Variants in KIAA1671 observed in about 807,000 individuals in gnomAD.
KIAA1671 encodes KIAA1671, also known as uncharacterized protein KIAA1671.
In KIAA1671, 52 loss-of-function variants were observed where a neutral mutation model predicts 131.2. The ratio of observed to expected loss-of-function variants is 0.40; its 90% CI spans 0.32 to 0.50. The LOEUF is 0.50. Among genes scored for constraint, KIAA1671 ranks in the 20% least tolerant of loss-of-function variants. The pLI, the probability that KIAA1671 is intolerant of heterozygous loss-of-function variation, is 0.73. For synonymous variants in KIAA1671, 1,003 were observed against 961.6 expected, an observed-to-expected ratio of 1.04 and a Z score of -0.80; for missense variants, 2,360 against 2,364.2, an observed-to-expected ratio of 1.00 and a Z score of 0.04.
intron 6 of KIAA1671, among the ~76,000 whole-genome samples, chr22:25,126,324 A>G (rs1932185771): frequency 6.6e-6 from 1 of 152,190 alleles, no homozygotes; most frequent in Non-Finnish European, 1.5e-5. Context: ...ATTCGTAGCT[A>G]GGAGCCTGTT....
At chr22:24,960,300 C>CA (rs1211927294) in intron 1 of KIAA1671, among the ~76,000 whole-genome samples, 1 of 151,610 alleles carries the variant, frequency 6.6e-6, no homozygotes, top group Non-Finnish European at 1.5e-5. Context: ...CCTGTAATCC[C>CA]AGCACTTTAG....
chr22:25,177,283 G>C (rs928388322), intron 8 of KIAA1671, 65 bp from the exon 9 acceptor site: 3 of 1,448,396 alleles, frequency 2.1e-6, no homozygotes, highest in Non-Finnish European at 2.8e-6. Flanking sequence ...CGCCAACTGT[G>C]TTGTGGTACC....
At chr22:24,998,717 CAAAAAA>C (rs34109303) in intron 1 of KIAA1671, among the ~76,000 whole-genome samples, 5 of 76,166 alleles carry the variant, frequency 6.6e-5, no homozygotes, top group Middle Eastern at 7.8e-3. Context: ...GACTCTGTCT[CAAAAAA>C]AAAAAAAAAA....
intron 6 of KIAA1671, among the ~76,000 whole-genome samples, chr22:25,153,569 A>G (rs981828045): frequency 6.6e-6 from 1 of 152,210 alleles, no homozygotes; most frequent in African/African-American, 2.4e-5. Flanking sequence ...CCTGGGTTTG[A>G]GATTGGGGCT....
chr22:24,981,679 C>T (rs1923241854), intron 1 of KIAA1671, among the ~76,000 whole-genome samples: 1 of 152,110 alleles, frequency 6.6e-6, no homozygotes, highest in Non-Finnish European at 1.5e-5. Context: ...GAGGCCAAGG[C>T]GGGAAGATTG....
intron 1 of KIAA1671, among the ~76,000 whole-genome samples, chr22:24,985,078 G>A (rs11090362): frequency 0.12 from 18,556 of 151,800 alleles, 1,419 homozygotes; most frequent in East Asian, 0.43. Context: ...CTGTCTCTCT[G>A]ATTTTTTGGA....
At position 25,039,239 on chromosome 22, in the gene KIAA1671, C is replaced by A; in HGVS notation, c.2109C>A (p.Asp703Glu). 1 of 1,552,314 alleles carries A rather than the reference C, an allele frequency of 6.4e-7. No individual in the cohort carries two copies. Reference protein sequence around the residue: ...ELRPYHTPLRDKYPLSENHNN... With the variant: ...ELRPYHTPLREKYPLSENHNN... ...GACCGTATCACACGCCTCTCCGGGA[C>A]AAATACCCTTTGTCTGAAAACCACA... Residue 703 changes from aspartate (D) to glutamate (E), a missense_variant, in exon 5 of 13, where the codon GAC (aspartate) becomes GAA (glutamate). Transcript: ENST00000358431.
At position 25,038,886 on chromosome 22, in the gene KIAA1671, C is replaced by T. The variant is rs1331624944; in HGVS notation, c.1756C>T (p.Arg586Cys). The change falls in exon 5 of 13, where the codon CGC becomes TGC. Residue 586 changes from arginine (R) to cysteine (C), a missense_variant. This residue lies in a region of KIAA1671 where 1,185 missense variants were observed against 1,126.2 expected (regional missense o/e 1.05). Coordinates refer to ENST00000358431, the MANE Select transcript of KIAA1671 (RefSeq NM_001145206.2). The part of the protein sequence containing the change: ...VSSNQDPDSC[R>C]GGSSVEAPCP... Reference sequence around the variant, plus strand: ...CTCTAACCAAGACCCCGACAGCTGTCGCGGTGGAAGCTCAGTGGAGGCCCC... The same window carrying T: ...CTCTAACCAAGACCCCGACAGCTGTTGCGGTGGAAGCTCAGTGGAGGCCCC... 1.1e-5 allele frequency: 17 copies of T among 1,551,684 alleles called. No individual in the cohort carries two copies. The highest frequency in any genetic ancestry group is 2.7e-5 in the African/African-American group (2 of 73,074).
At chr22:25,076,468 G>A (rs1929112834) in intron 6 of KIAA1671, among the ~76,000 whole-genome samples, 1 of 152,160 alleles carries the variant, frequency 6.6e-6, no homozygotes, top group Non-Finnish European at 1.5e-5. Flanking sequence ...GGCAGCCTGA[G>A]TCCTTCTCAT....
chr22:24,964,591 A>G (rs1922196069), intron 1 of KIAA1671, among the ~76,000 whole-genome samples: 1 of 152,022 alleles, frequency 6.6e-6, no homozygotes, highest in African/African-American at 2.4e-5. Flanking sequence ...CCAGCTAATT[A>G]AAAAATTTTT....
Position 25,028,023 on chromosome 22 carries a change from C to T in KIAA1671, c.24C>T (p.Gly8=), listed in dbSNP as rs1926044774. The T allele has an allele frequency of 1.3e-6, 2 of 1,507,158 alleles. No homozygotes were observed. Among genetic ancestry groups the T allele is most frequent in the East Asian group, 2.5e-5 (1 of 40,380 alleles). 93.4% of individuals were successfully genotyped at this position (1,507,158 alleles called of 1,614,324 possible). ...CCATGGCCACGCGGGTCGAGGTGGG[C>T]TCCATAACGCCCTTGACGGCCGTGC... is the stretch of plus-strand genomic sequence containing the variant. MATRVEV[G]SITPLTAVPG... Residue 8 remains glycine, a synonymous_variant, in exon 3 of 13, where the codon GGC becomes GGT. Transcript: ENST00000358431.
chr22:25,101,507 G>A (rs1379967976), intron 6 of KIAA1671, among the ~76,000 whole-genome samples: 1 of 152,128 alleles, frequency 6.6e-6, no homozygotes, highest in African/African-American at 2.4e-5. Context: ...TTGATTGATT[G>A]ATTGATTGCT....
chr22:25,059,664 A>T (rs1025290295), intron 6 of KIAA1671: 1 of 152,206 alleles, frequency 6.6e-6, no homozygotes, highest in Non-Finnish European at 1.5e-5. Flanking sequence ...GGATCCTGAC[A>T]GGGGAGTAGT....
rs189780648 is a variant in KIAA1671 at position 25,066,103 on chromosome 22, G to A, written c.4530+16739G>A. 2.4e-3 allele frequency among the ~76,000 whole-genome samples: 362 copies of A among 152,080 alleles called. 2 individuals carry two copies. Among genetic ancestry groups the A allele is most frequent in the South Asian group, 0.011 (55 of 4,808 alleles). ...GTGGAAATGAGGGAGGGGATGGAAG[G>A]GGTGAGCTCACCCCTTCAAGCCCTT... On this transcript the variant is annotated intron_variant, in intron 6 of 12. Coordinates refer to ENST00000358431, the MANE Select transcript of KIAA1671 (RefSeq NM_001145206.2).
At chr22:25,046,709 A>AT (rs1927253896) in intron 5 of KIAA1671, among the ~76,000 whole-genome samples, 1 of 151,802 alleles carries the variant, frequency 6.6e-6, no homozygotes, top group South Asian at 2.1e-4. Context: ...AGAAATACAT[A>AT]TTTTTATTTT....
rs548721454 is a variant in KIAA1671 at position 25,162,243 on chromosome 22, A to G, written c.4531-8577A>G. 2.6e-5 allele frequency among the ~76,000 whole-genome samples: 4 copies of G among 152,304 alleles called. No individual in the cohort carries two copies. The South Asian group carries it at 8.3e-4, about 32-fold the overall frequency. On this transcript the variant is annotated intron_variant, in intron 6 of 12. Transcript: ENST00000358431. ...TGGCCATGGTACTGGTCTGGCCTGGACACAGGATGAGAAGCTGCCTGGGCC... is the reference window on the plus strand; with the variant it reads ...TGGCCATGGTACTGGTCTGGCCTGGGCACAGGATGAGAAGCTGCCTGGGCC...
intron 5 of KIAA1671, among the ~76,000 whole-genome samples, chr22:25,041,857 G>T (rs1473081454): frequency 1.3e-5 from 2 of 152,282 alleles, no homozygotes; most frequent in Non-Finnish European, 2.9e-5. Context: ...CCATCCTCCC[G>T]CCTCAGCCTC....
chr22:25,187,576 G>A (rs1934521124), intron 11 of KIAA1671, among the ~76,000 whole-genome samples: 1 of 152,124 alleles, frequency 6.6e-6, no homozygotes, highest in African/African-American at 2.4e-5. Context: ...GAATGCAATG[G>A]CATGATTATA....
At chr22:25,107,965 G>C (rs553347015) in intron 6 of KIAA1671, among the ~76,000 whole-genome samples, 1 of 152,006 alleles carries the variant, frequency 6.6e-6, no homozygotes, top group East Asian at 1.9e-4. Context: ...CTGATATCAC[G>C]CCATTGCACT....
Sources: gnomAD v4.1 joint callset for allele counts (sites outside exome capture counted in the v4.1 genomes callset) on GRCh38, gnomAD v4.1.1 for gene constraint, gnomAD v4.1.1 regional missense constraint, MANE v1.5 for transcripts, NCBI Gene and HGNC (gene_info 2026-07-23, HGNC 2026-07-21) for gene names.